The following ASNS variants were observed in gnomAD, a reference collection of about 807,000 sequenced individuals.
ASNS encodes asparagine synthetase (glutamine-hydrolyzing).
In ASNS, 37 loss-of-function variants were observed where a neutral mutation model predicts 62.6. That is an observed-to-expected ratio of 0.59 (90% CI 0.45 to 0.78). The LOEUF (loss-of-function observed/expected upper bound fraction) is 0.78, where lower values mean the gene tolerates loss of function less well. ASNS is among the 30% of genes least tolerant of loss of function. ASNS has a pLI of 0.00. For missense variants in ASNS, 520 were observed against 682.4 expected (o/e 0.76, Z 2.65); for synonymous variants, 207 against 237.9 (o/e 0.87, Z 1.19).
the ASNS span, among the ~76,000 whole-genome samples, chr7:97,911,586 G>A: frequency 6.6e-6 from 1 of 151,816 alleles, no homozygotes; most frequent in Non-Finnish European, 1.5e-5. Context: ...AGGCTGCAGT[G>A]AGCCAAGGTC....
At chr7:97,881,195 G>T in the ASNS span, among the ~76,000 whole-genome samples, 1 of 152,132 alleles carries the variant, frequency 6.6e-6, no homozygotes, top group African/African-American at 2.4e-5. Flanking sequence ...GCCCACCTTG[G>T]CCTCACACAG....
chr7:97,896,705 TATATATAC>T, the ASNS span, among the ~76,000 whole-genome samples: 1 of 25,304 alleles, frequency 4.0e-5, no homozygotes, highest in Non-Finnish European at 8.5e-5. Flanking sequence ...TATATGTGTA[TATATATAC>T]ACACACACAC....
intron 3 of ASNS, among the ~76,000 whole-genome samples, chr7:97,865,255 T>C (rs1329854035): frequency 1.3e-5 from 2 of 152,242 alleles, no homozygotes; most frequent in Non-Finnish European, 2.9e-5. Flanking sequence ...GCATCAGCTG[T>C]TAAACAGCTG....
At chr7:97,893,929 T>G in the ASNS span, among the ~76,000 whole-genome samples, 1 of 152,280 alleles carries the variant, frequency 6.6e-6, no homozygotes, top group African/African-American at 2.4e-5. Context: ...TATACAATCA[T>G]CTCATCAACA....
At chr7:97,926,089 G>A in the ASNS span, among the ~76,000 whole-genome samples, 1 of 126,808 alleles carries the variant, frequency 7.9e-6, no homozygotes, top group South Asian at 2.7e-4. Flanking sequence ...ATGCCCTGCA[G>A]CAGGACTTGG....
At chr7:97,884,377 C>A in the ASNS span, among the ~76,000 whole-genome samples, 1 of 152,084 alleles carries the variant, frequency 6.6e-6, no homozygotes, top group African/African-American at 2.4e-5. Flanking sequence ...GGTGGAACCC[C>A]ATCTCTACTA....
At chr7:97,904,646 C>T in the ASNS span, among the ~76,000 whole-genome samples, 2 of 151,948 alleles carry the variant, frequency 1.3e-5, no homozygotes, top group African/African-American at 4.8e-5. Context: ...AGCCACATCC[C>T]CTCCCCCACC....
the ASNS span, among the ~76,000 whole-genome samples, chr7:97,927,067 C>T: frequency 8.0e-6 from 1 of 124,906 alleles, no homozygotes; most frequent in African/African-American, 2.7e-5. Context: ...ACCACCACAC[C>T]TGGCTTTTTT....
At chr7:97,912,563 T>C in the ASNS span, among the ~76,000 whole-genome samples, 27 of 132,186 alleles carry the variant, frequency 2.0e-4, no homozygotes, top group African/African-American at 7.3e-4. Flanking sequence ...GTGTTAACTT[T>C]GCTTTTTTTT....
At chr7:97,860,463 C>T (rs1791661410) in intron 4 of ASNS, among the ~76,000 whole-genome samples, 1 of 152,190 alleles carries the variant, frequency 6.6e-6, no homozygotes, top group Non-Finnish European at 1.5e-5. Context: ...CTTTACCAGG[C>T]TTTCCCAGCA....
chr7:97,883,958 G>C, the ASNS span, among the ~76,000 whole-genome samples: 4 of 146,796 alleles, frequency 2.7e-5, no homozygotes, highest in Non-Finnish European at 6.0e-5. Context: ...ACTGCACTCC[G>C]GCCTGGGCGA....
chr7:97,897,199 T>C, the ASNS span, among the ~76,000 whole-genome samples: 17 of 151,990 alleles, frequency 1.1e-4, no homozygotes, highest in Non-Finnish European at 1.9e-4. Flanking sequence ...AAGAAAACAA[T>C]CAACAGAGTG....
chr7:97,916,494 A>ACTCTTTGCAAGCAG, the ASNS span, among the ~76,000 whole-genome samples: 1 of 151,938 alleles, frequency 6.6e-6, no homozygotes, highest in Admixed American at 6.6e-5. Flanking sequence ...AAATTAAGCA[A>ACTCTTTGCAAGCAG]CTCTTTGCAA....
the ASNS span, among the ~76,000 whole-genome samples, chr7:97,903,288 T>G: frequency 6.6e-6 from 1 of 151,888 alleles, no homozygotes; most frequent in Admixed American, 6.6e-5. Flanking sequence ...AGAGCTAGGA[T>G]TTAGTTTCCA....
chr7:97,882,735 AT>A, the ASNS span, among the ~76,000 whole-genome samples: 1 of 151,510 alleles, frequency 6.6e-6, no homozygotes, highest in African/African-American at 2.4e-5. Context: ...ATGAGTGTCT[AT>A]TTGCATTGAG....
Position 97,852,296 on chromosome 7 carries a change from C to A in ASNS, c.1649G>T (p.Arg550Leu), listed in dbSNP as rs552452349. The A allele has an allele frequency of 1.9e-6, 3 of 1,614,100 alleles. No homozygotes were observed. The highest frequency in any genetic ancestry group is 2.5e-6 in the Non-Finnish European group (3 of 1,180,038). The stretch of plus-strand genomic sequence containing the variant: ...AGCTGACTTGTAGTGGGTCAGCGTG[C>A]GGGCAGAAGGGTCAGTGGCATTGAT... ...KWINATDPSA[R>L]TLTHYKSAVK... is the part of the protein sequence containing the mutation. The change falls in exon 13 of 13, where the codon CGC becomes CTC. Residue 550 changes from arginine to leucine, a missense_variant. Coordinates refer to ENST00000394308, the MANE Select transcript of ASNS (RefSeq NM_001673.5).
intron 7 of ASNS, among the ~76,000 whole-genome samples, chr7:97,857,332 G>A (rs1192478116): frequency 6.6e-6 from 1 of 152,016 alleles, no homozygotes; most frequent in East Asian, 1.9e-4. Context: ...TCCATAGTGG[G>A]AACTAGGTCT....
intron 12 of ASNS, 117 bp from the exon 13 acceptor site, chr7:97,852,585 T>G: frequency 1.0e-6 from 1 of 971,024 alleles, no homozygotes; most frequent in Non-Finnish European, 1.6e-6. Context: ...TATGAGACCC[T>G]TTGAATCACC....
the ASNS span, among the ~76,000 whole-genome samples, chr7:97,911,844 G>A: frequency 6.6e-6 from 1 of 152,026 alleles, no homozygotes; most frequent in East Asian, 1.9e-4. Context: ...TTGCTTCATG[G>A]AAGAAAGGAA....
Sources: allele counts gnomAD v4.1 joint callset (sites outside exome capture counted in the v4.1 genomes callset), GRCh38; gene constraint gnomAD v4.1.1; transcripts MANE v1.5; gene names NCBI Gene and HGNC (gene_info 2026-07-23, HGNC 2026-07-21).